The following DMXL1 variants were observed in gnomAD, a reference collection of about 807,000 sequenced individuals.
DMXL1 encodes the protein dmX-like protein 1.
DMXL1 carries 99 observed loss-of-function variants against 319.2 expected under a neutral mutation model. That is an observed-to-expected ratio of 0.31 (90% CI 0.26 to 0.37). DMXL1 has a LOEUF of 0.37. Ranked by LOEUF, DMXL1 falls within the 10% of genes least tolerant of loss-of-function variation. The pLI is 1.00. For missense variants in DMXL1, 3,745 were observed against 3,595.6 expected (o/e 1.04, Z -1.06); for synonymous variants, 1,385 against 1,235.2 (o/e 1.12, Z -2.54).
chr5:119,185,325 C>G (rs1012931266), intron 28 of DMXL1, among the ~76,000 whole-genome samples: 4 of 152,182 alleles, frequency 2.6e-5, no homozygotes, highest in Middle Eastern at 3.4e-3. Context: ...CGTGGAGACT[C>G]CCTTGCTCTG....
intron 19 of DMXL1, 76 bp from the exon 20 acceptor site, chr5:119,164,431 T>C: frequency 7.7e-7 from 1 of 1,300,930 alleles, no homozygotes; most frequent in Non-Finnish European, 1.1e-6. Context: ...ATATTGAAAA[T>C]ATGGAACATA....
chr5:119,086,506 T>C (rs933557363), intron 1 of DMXL1, among the ~76,000 whole-genome samples: 1 of 152,168 alleles, frequency 6.6e-6, no homozygotes, highest in Non-Finnish European at 1.5e-5. Context: ...TTGTAGTTTT[T>C]TGTTGTTGTT....
intron 1 of DMXL1, chr5:119,081,439 C>A: frequency 2.6e-6 from 1 of 386,936 alleles, no homozygotes; most frequent in Non-Finnish European, 3.5e-6. Context: ...TTACCTGAGT[C>A]AGAACCTTTT....
intron 13 of DMXL1, among the ~76,000 whole-genome samples, chr5:119,138,057 A>G (rs1407839360): frequency 6.6e-6 from 1 of 152,212 alleles, no homozygotes; most frequent in Non-Finnish European, 1.5e-5. Context: ...TCTGGTGGCT[A>G]TATAGATTAG....
intron 2 of DMXL1, among the ~76,000 whole-genome samples, chr5:119,098,721 G>A (rs1308176223): frequency 6.6e-6 from 1 of 152,192 alleles, no homozygotes; most frequent in African/African-American, 2.4e-5. Context: ...GTACCAGAAT[G>A]AGAAAGTCAT....
chr5:119,177,508 G>C, intron 27 of DMXL1, 24 bp downstream of exon 27: 1 of 1,566,130 alleles, frequency 6.4e-7, no homozygotes, highest in Non-Finnish European at 8.6e-7. Flanking sequence ...GTATAGATCA[G>C]TTTTTTCTTA....
intron 8 of DMXL1, 103 bp downstream of exon 8, chr5:119,119,107 A>G (rs1761472672): frequency 1.3e-6 from 1 of 741,500 alleles, no homozygotes; most frequent in Non-Finnish European, 2.0e-6. Flanking sequence ...TCCTAGGAAA[A>G]TAATTCTTAG....
chr5:119,127,925 A>C (rs1214129698), intron 9 of DMXL1: 1 of 372,662 alleles, frequency 2.7e-6, no homozygotes, highest in African/African-American at 2.1e-5. Context: ...AAAGCTTCAT[A>C]AACTTAGTAT....
rs1790137870 is a variant in DMXL1, at chr5:119,248,759, G to A, written c.*1540G>A. On this transcript the variant is annotated 3_prime_UTR_variant, in exon 44 of 44. Coordinates refer to ENST00000539542, the MANE Select transcript of DMXL1 (RefSeq NM_001290321.3). The stretch of plus-strand genomic sequence containing the variant: ...TTTTAAATGTGTTGAGCAAGTTGCA[G>A]TGCAAACACTGTCATTATGTAGAGA... The A allele has an allele frequency of 6.6e-6, 1 of 152,448 alleles. No homozygotes were observed. Among genetic ancestry groups the A allele is most frequent in the Admixed American group, 6.5e-5 (1 of 15,278 alleles). 9.4% of individuals were successfully genotyped at this position (152,448 alleles called of 1,614,324 possible).
At chr5:119,126,878 C>A in intron 9 of DMXL1, 1 of 164,582 alleles carries the variant, frequency 6.1e-6, no homozygotes, top group South Asian at 2.0e-4. Flanking sequence ...CGTTTTTCCT[C>A]TAATTCTTTG....
chr5:119,193,210 A>G (rs552888793), intron 29 of DMXL1, among the ~76,000 whole-genome samples: 5 of 152,152 alleles, frequency 3.3e-5, no homozygotes, highest in Admixed American at 6.6e-5. Context: ...TTCCTTTACC[A>G]TGGCCTACAA....
At chr5:119,239,159 C>G in intron 41 of DMXL1, 79 bp downstream of exon 41, 10 of 1,422,140 alleles carry the variant, frequency 7.0e-6, no homozygotes, top group East Asian at 2.4e-5. Context: ...TTGTGTTTGA[C>G]TAAAGTTTAC....
chr5:119,233,388 A>T lies in DMXL1; in HGVS notation c.8387A>T (p.His2796Leu). ...AGTGTCAGAATGTTTGAATGGGGCCATTCTCAACAAATAACCTGTTTTCGA... is the reference window on the plus strand; with the variant it reads ...AGTGTCAGAATGTTTGAATGGGGCCTTTCTCAACAAATAACCTGTTTTCGA... ...DGSVRMFEWG[H>L]SQQITCFRSG... Residue 2796 changes from histidine to leucine, a missense_variant, in exon 39 of 44, where the codon CAT (histidine) becomes CTT (leucine). By Grantham distance (99) the His-to-Leu change is moderately conservative. This residue lies in a region of DMXL1 where 262 missense variants were observed against 320.5 expected (regional missense o/e 0.82). Transcript: ENST00000539542. The T allele has an allele frequency of 6.2e-7, 1 of 1,613,254 alleles. No individual in the cohort carries two copies. Among genetic ancestry groups the T allele is most frequent in the South Asian group, 1.1e-5 (1 of 91,064 alleles).
intron 32 of DMXL1, among the ~76,000 whole-genome samples, chr5:119,202,877 A>T (rs969869420): frequency 9.2e-6 from 1 of 108,114 alleles, no homozygotes; most frequent in East Asian, 2.5e-4. Context: ...ATATATATAT[A>T]TATATTTTTA....
intron 2 of DMXL1, among the ~76,000 whole-genome samples, chr5:119,101,588 G>A (rs1258549631): frequency 1.3e-5 from 2 of 152,146 alleles, no homozygotes; most frequent in South Asian, 2.1e-4. Flanking sequence ...GATGGATGAC[G>A]ACAATTAACA....
At position 119,178,001 on chromosome 5, in the gene DMXL1, A is replaced by G; in HGVS notation, c.6892A>G (p.Thr2298Ala). ...ATGTTTGTTTGTCGTTCTAGGAATA[A>G]CTTGTCTAATTCGACTTTTGAATTC... ...NTSPAQWPGITCLIRLLNSSG... is the reference protein window; with the variant it reads ...NTSPAQWPGIACLIRLLNSSG... The change falls in exon 28 of 44, where the codon ACT becomes GCT. Residue 2298 changes from threonine to alanine, a missense_variant. Around this residue, in one of 4 missense-constraint regions of DMXL1, gnomAD observed 1,382 missense variants for 1,269.5 expected, o/e 1.09. Coordinates refer to ENST00000539542, the MANE Select transcript of DMXL1 (RefSeq NM_001290321.3). The G allele has an allele frequency of 6.2e-7, 1 of 1,602,554 alleles. No homozygotes were observed. Among genetic ancestry groups the G allele is most frequent in the Non-Finnish European group, 8.5e-7 (1 of 1,173,248 alleles).
chr5:119,108,896 G>A (rs1758944599), intron 4 of DMXL1, among the ~76,000 whole-genome samples: 1 of 151,950 alleles, frequency 6.6e-6, no homozygotes, highest in Non-Finnish European at 1.5e-5. Flanking sequence ...CTGCCTCCCG[G>A]GTTCAAGTGA....
rs1767965706 is a variant in DMXL1, at chr5:119,143,939, T to G, written c.2466+9T>G. 1 of 1,521,882 alleles carries G rather than the reference T, an allele frequency of 6.6e-7. No individual in the cohort carries two copies. Among genetic ancestry groups the G allele is most frequent in the Non-Finnish European group, 8.9e-7 (1 of 1,122,504 alleles). The allele number at this position is 1,521,882 out of a possible 1,614,324, so 94.3% of individuals were successfully genotyped here. Reference sequence around the variant, plus strand: ...ATCCCATTACCAAACTTGTAAGTATTAATTTTGGGGGGGAGGTATATTAAA... The same window carrying G: ...ATCCCATTACCAAACTTGTAAGTATGAATTTTGGGGGGGAGGTATATTAAA... On this transcript the variant is annotated intron_variant, in intron 14 of 43. Coordinates refer to ENST00000539542, the MANE Select transcript of DMXL1 (RefSeq NM_001290321.3).
chr5:119,246,902 G>A, intron 43 of DMXL1, 93 bp from the exon 44 acceptor site: 1 of 894,608 alleles, frequency 1.1e-6, no homozygotes. Context: ...CAAAGTGCTG[G>A]GATTACAGGC....
Sources: allele counts gnomAD v4.1 joint callset (sites outside exome capture counted in the v4.1 genomes callset), GRCh38; gene constraint gnomAD v4.1.1; regional missense constraint gnomAD v4.1.1; transcripts MANE v1.5; gene names NCBI Gene and HGNC (gene_info 2026-07-23, HGNC 2026-07-21).